Variants in HECTD4 observed in about 807,000 individuals in gnomAD.
The protein encoded by HECTD4 is HECT domain E3 ubiquitin protein ligase 4, also known as probable E3 ubiquitin-protein ligase HECTD4.
A neutral mutation model predicts 471.5 loss-of-function variants in HECTD4; 114 were observed. That is an observed-to-expected ratio of 0.24 (90% CI 0.21 to 0.28). The LOEUF (loss-of-function observed/expected upper bound fraction) is 0.28. HECTD4 is among the 10% of genes least tolerant of loss of function. HECTD4 has a pLI of 1.00. For missense variants in HECTD4, 3,866 were observed against 5,651.5 expected (o/e 0.68, Z 10.13); for synonymous variants, 2,012 against 2,256.0 (o/e 0.89, Z 3.07).
At chr12:112,200,841 T>C (rs1341251242) in intron 54 of HECTD4, 43 bp from the exon 55 acceptor site, 27 of 1,589,558 alleles carry the variant, frequency 1.7e-5, no homozygotes, top group Non-Finnish European at 2.1e-5. Context: ...TGTTTGCTTT[T>C]GTTTTCCATG....
At position 112,208,505 on chromosome 12, in the gene HECTD4, C is replaced by T. The variant is rs963574133; in HGVS notation, c.7993G>A (p.Asp2665Asn). 5.0e-6 allele frequency: 8 copies of T among 1,592,326 alleles called. No individual in the cohort carries two copies. The highest frequency in any genetic ancestry group is 6.8e-6 in the Non-Finnish European group (8 of 1,171,480). The part of the protein sequence containing the change: ...DDESDDDDDD[D>N]IPQEDHYALL... The stretch of plus-strand genomic sequence containing the variant: ...TGTGGGTCTCTTACCTGAGGGATGT[C>T]ATCATCGTCATCATCATCGCTTTCA... Residue 2665 changes from aspartate to asparagine, a missense_variant, in exon 51 of 76, where the codon GAC (aspartate) becomes AAC (asparagine). Physicochemically the swap from Asp to Asn is conservative, Grantham distance 23 (BLOSUM62 1). Transcript: ENST00000682272.
rs2033474492 is a variant in HECTD4 at position 112,235,301 on chromosome 12, T to G, written c.5726-35A>C. 4.4e-6 allele frequency: 7 copies of G among 1,586,436 alleles called. No individual in the cohort carries two copies. The highest frequency in any genetic ancestry group is 1.7e-4 in the Middle Eastern group (1 of 5,916). ...AAAAACAAAGCTCATTCAGGAAAAC[T>G]GCAGTGTTGTTTTGGCGGCTCTGCT... On this transcript the variant is annotated intron_variant, in intron 36 of 75. Transcript: ENST00000682272. This position sits in a 1 kb window ranked among gnomAD's most constrained non-coding sequence, Gnocchi z 5.0.
intron 65 of HECTD4, among the ~76,000 whole-genome samples, chr12:112,176,382 T>C (rs1257777189): frequency 6.6e-6 from 1 of 152,224 alleles, no homozygotes; most frequent in Non-Finnish European, 1.5e-5. Flanking sequence ...TCATCAAAGA[T>C]GGCATCGAGG....
chr12:112,244,189 T>C (rs2033705538), intron 29 of HECTD4, among the ~76,000 whole-genome samples, 180 bp from the exon 30 acceptor site: 1 of 150,958 alleles, frequency 6.6e-6, no homozygotes, highest in African/African-American at 2.4e-5. Context: ...AGTATTAGGT[T>C]AAAAATTATT....
chr12:112,171,067 G>A (rs756125594), intron 68 of HECTD4, 50 bp downstream of exon 68: 4 of 1,510,924 alleles, frequency 2.6e-6, no homozygotes. Context: ...CTGGTGTCTT[G>A]CAGGTCACCT....
At chr12:112,331,139 T>G (rs545251956) in intron 1 of HECTD4, among the ~76,000 whole-genome samples, 1 of 152,278 alleles carries the variant, frequency 6.6e-6, no homozygotes, top group Admixed American at 6.5e-5. Flanking sequence ...TGGCATGATC[T>G]CGACTCATGC....
chr12:112,304,316 C>T (rs73423249), intron 7 of HECTD4, among the ~76,000 whole-genome samples: 6,003 of 145,310 alleles, frequency 0.041, 272 homozygotes, highest in African/African-American at 0.11. Flanking sequence ...ACAATCAGGG[C>T]TCACTGTCAC....
At chr12:112,328,609 G>A (rs1400859463) in intron 1 of HECTD4, among the ~76,000 whole-genome samples, 1 of 152,128 alleles carries the variant, frequency 6.6e-6, no homozygotes, top group African/African-American at 2.4e-5. Flanking sequence ...AAGCTCTCAT[G>A]CGAGCCAAGT....
chr12:112,360,711 C>T (rs1019180243), intron 1 of HECTD4, among the ~76,000 whole-genome samples: 2 of 152,116 alleles, frequency 1.3e-5, no homozygotes, highest in African/African-American at 2.4e-5. Flanking sequence ...TGGCCGGGGG[C>T]GGTGGCTCAC....
chr12:112,226,675 A>C lies in HECTD4; in HGVS notation c.6938T>G (p.Val2313Gly). 1 of 1,612,862 alleles carries C rather than the reference A, an allele frequency of 6.2e-7. No homozygotes were observed. Among genetic ancestry groups the C allele is most frequent in the Middle Eastern group, 1.7e-4 (1 of 6,060 alleles). The change falls in exon 44 of 76, where the codon GTT becomes GGT. Residue 2313 changes from valine (V) to glycine (G), a missense_variant. Physicochemically the swap from Val to Gly is moderately radical, Grantham distance 109. Coordinates refer to ENST00000682272, the MANE Select transcript of HECTD4 (RefSeq NM_001388303.1). ...ACATTCCTGGGCTACTAGGTTAAGA[A>C]CTTCAACAGCTGCTGGACATTGTTG... ...FIQQCPAAVE[V>G]LNLVAQECSA...
In HECTD4 at chr12:112,254,304, AT is replaced by A. The variant is rs1156626316; in HGVS notation, c.3328-143del. Reference sequence around the variant, plus strand: ...ATTATAGTATAACTAATATTTCCCGATTTTTTTAGGTATAACTGATACTAGT... The same window carrying A: ...ATTATAGTATAACTAATATTTCCCGATTTTTTAGGTATAACTGATACTAGT... On this transcript the variant is annotated intron_variant, in intron 21 of 75. Transcript: ENST00000682272. The A allele has an allele frequency of 9.9e-6, 10 of 1,014,228 alleles. No individual in the cohort carries two copies. The Admixed American group carries it at 1.6e-4, about 17-fold the overall frequency. 62.8% of individuals were successfully genotyped at this position (1,014,228 alleles called of 1,614,324 possible).
chr12:112,368,718 G>A (rs1038653526), intron 1 of HECTD4, among the ~76,000 whole-genome samples: 1 of 152,062 alleles, frequency 6.6e-6, no homozygotes, highest in Non-Finnish European at 1.5e-5. Context: ...TCGTTCTGGT[G>A]GAATGGTGTA....
chr12:112,310,298 G>C (rs918912110), intron 4 of HECTD4, among the ~76,000 whole-genome samples: 11 of 152,214 alleles, frequency 7.2e-5, no homozygotes, highest in African/African-American at 2.7e-4. Context: ...ATCTGCCTCT[G>C]TAGATTTTCC....
At position 112,261,343 on chromosome 12, in the gene HECTD4, A is replaced by G. The variant is rs2034140943; in HGVS notation, c.2835T>C (p.Thr945=). Residue 945 remains threonine (T), a synonymous_variant, in exon 18 of 76, where the codon ACT becomes ACC. Coordinates refer to ENST00000682272, the MANE Select transcript of HECTD4 (RefSeq NM_001388303.1). ...EVLEMLQQVT[T]ALINSDIADR... ...CTGCTATGTCACTATTTATGAGGGC[A>G]GTTGTGACCTGCTGTAGCATTTCCA... 1 of 1,610,780 alleles carries G rather than the reference A, an allele frequency of 6.2e-7. No individual in the cohort carries two copies. Among genetic ancestry groups the G allele is most frequent in the Admixed American group, 1.7e-5 (1 of 59,960 alleles).
intron 1 of HECTD4, among the ~76,000 whole-genome samples, chr12:112,372,697 G>A (rs903557948): frequency 6.6e-6 from 1 of 151,944 alleles, no homozygotes; most frequent in Admixed American, 6.6e-5. Context: ...CTCAAGTGCT[G>A]GAATTACAGG....
intron 7 of HECTD4, among the ~76,000 whole-genome samples, chr12:112,303,163 ATAAC>A (rs1466665352): frequency 6.6e-6 from 1 of 152,118 alleles, no homozygotes; most frequent in Non-Finnish European, 1.5e-5. Context: ...TCTTCAGAAA[ATAAC>A]TAAGTCTTGG....
At chr12:112,205,995 C>T (rs1368405849) in intron 52 of HECTD4, among the ~76,000 whole-genome samples, 1 of 152,152 alleles carries the variant, frequency 6.6e-6, no homozygotes, top group East Asian at 1.9e-4. Flanking sequence ...CTTCTTCTAT[C>T]CACTTATTGA....
intron 1 of HECTD4, among the ~76,000 whole-genome samples, chr12:112,376,171 T>C (rs1390377628): frequency 2.6e-5 from 4 of 152,186 alleles, no homozygotes; most frequent in African/African-American, 9.7e-5. Context: ...TTCTTTTTTT[T>C]TCTCTTTGCC....
At chr12:112,275,094 A>C in intron 9 of HECTD4, 134 bp from the exon 10 acceptor site, 1 of 570,890 alleles carries the variant, frequency 1.8e-6, no homozygotes, top group East Asian at 3.0e-5. Context: ...AATTGGTGGT[A>C]AAGAGATGGA....
Sources: allele counts gnomAD v4.1 joint callset (sites outside exome capture counted in the v4.1 genomes callset), GRCh38; gene constraint gnomAD v4.1.1; non-coding constraint Gnocchi (gnomAD v3.1); transcripts MANE v1.5; gene names NCBI Gene and HGNC (gene_info 2026-07-23, HGNC 2026-07-21).